The following EZH1 variants were observed in gnomAD, a reference collection of about 807,000 sequenced individuals.
The protein encoded by EZH1 is enhancer of zeste 1 polycomb repressive complex 2 subunit.
A neutral mutation model predicts 100.5 loss-of-function variants in EZH1; 33 were observed. The observed-to-expected ratio is 0.33, with a 90% confidence interval of 0.25 to 0.44. The LOEUF is 0.44. EZH1 is among the 20% of genes least tolerant of loss of function. The pLI is 1.00. For synonymous variants in EZH1, 272 were observed against 313.8 expected (o/e 0.87, Z 1.41); for missense variants, 475 against 928.4 (o/e 0.51, Z 6.35).
intron 1 of EZH1, among the ~76,000 whole-genome samples, chr17:42,734,373 G>A (rs948318870): frequency 2.6e-5 from 4 of 151,982 alleles, no homozygotes; most frequent in Admixed American, 6.6e-5. Context: ...TCCCTCTTCC[G>A]TTCCTTTTTG....
In EZH1 at chr17:42,714,667, T is replaced by G. The variant is rs148413039; in HGVS notation, c.1024-1278A>C. ...AATTTAAAAATGAAGTTTTTTTGAGTAATAAAAATGAAAAAAAAATAAAGG... is the reference window on the plus strand; with the variant it reads ...AATTTAAAAATGAAGTTTTTTTGAGGAATAAAAATGAAAAAAAAATAAAGG... On this transcript the variant is annotated intron_variant, in intron 10 of 20. Coordinates refer to ENST00000428826, the MANE Select transcript of EZH1 (RefSeq NM_001991.5). The G allele has an allele frequency of 1.2e-3, 310 of 249,750 alleles. 2 individuals carry two copies. The East Asian group carries it at 0.027, about 22-fold the overall frequency. 15.5% of individuals were successfully genotyped at this position (249,750 alleles called of 1,614,324 possible).
chr17:42,729,173 G>A (rs549722842), intron 2 of EZH1: 9 of 391,454 alleles, frequency 2.3e-5, no homozygotes, highest in South Asian at 1.4e-4. Flanking sequence ...TTAGGAAGCC[G>A]AGGTGAGAGC....
rs1305218247 is a variant in EZH1, at chr17:42,709,080, A to C, written c.1494-164T>G. 5.8e-6 allele frequency: 4 copies of C among 694,366 alleles called. No individual in the cohort carries two copies. In the East Asian group the frequency reaches 1.1e-4, roughly 19 times the overall value. The allele number at this position is 694,366 out of a possible 1,614,324, so 43.0% of individuals were successfully genotyped here. ...CTTTGGTACACAGAAGCTAGAGTCC[A>C]TCCTAAATCCAGCTGGCCTGTGCTA... On this transcript the variant is annotated intron_variant, in intron 13 of 20. Coordinates refer to ENST00000428826, the MANE Select transcript of EZH1 (RefSeq NM_001991.5).
At chr17:42,716,729 C>T (rs1305368585) in intron 10 of EZH1, among the ~76,000 whole-genome samples, 4 of 151,684 alleles carry the variant, frequency 2.6e-5, no homozygotes, top group Non-Finnish European at 5.9e-5. Context: ...GATGGAGTCT[C>T]ACTATCTCAC....
chr17:42,711,574 C>T (rs148286886), intron 12 of EZH1, among the ~76,000 whole-genome samples: 9 of 150,992 alleles, frequency 6.0e-5, no homozygotes, highest in East Asian at 1.9e-4. Flanking sequence ...ACTTGGGAGG[C>T]GGAGGTTGCA....
rs2053231555 is a variant in EZH1, at chr17:42,701,118, CATTCACATGAA to C, written c.*1403_*1413del. 1.3e-5 allele frequency: 2 copies of C among 152,774 alleles called. No homozygotes were observed. Among genetic ancestry groups the C allele is most frequent in the South Asian group, 4.1e-4 (2 of 4,832 alleles). The allele number at this position is 152,774 out of a possible 1,614,324, so 9.5% of individuals were successfully genotyped here. The stretch of plus-strand genomic sequence containing the variant: ...GACACAGGGCAGCTCTTGCTGGCCC[CATTCACATGAA>C]ATTCTTCTGTGTGAAACTCACTCGT... On this transcript the variant is annotated 3_prime_UTR_variant, in exon 21 of 21. Transcript: ENST00000428826.
chr17:42,731,224 TCTC>T (rs1312696510), intron 1 of EZH1, among the ~76,000 whole-genome samples: 2 of 151,940 alleles, frequency 1.3e-5, no homozygotes, highest in Non-Finnish European at 2.9e-5. Context: ...TTCAAGCCAT[TCTC>T]CTGCCTCAGC....
intron 14 of EZH1, chr17:42,708,299 C>T (rs2053402903): frequency 3.9e-6 from 2 of 512,306 alleles, no homozygotes; most frequent in Non-Finnish European, 6.9e-6. Flanking sequence ...TGGTCTGGGA[C>T]AACAGGGAAG....
At chr17:42,705,491 CT>C (rs1481279746) in intron 16 of EZH1, 1 of 218,308 alleles carries the variant, frequency 4.6e-6, no homozygotes, top group Non-Finnish European at 9.2e-6. Flanking sequence ...CACCTCGCAG[CT>C]CCTTTTTGTC....
At chr17:42,721,813 C>T (rs1567996102) in intron 6 of EZH1, among the ~76,000 whole-genome samples, 1 of 151,956 alleles carries the variant, frequency 6.6e-6, no homozygotes, top group Admixed American at 6.6e-5. Flanking sequence ...AGTTTAAGAC[C>T]AGCCTGGGCA....
chr17:42,731,478 GAA>G (rs67866603), intron 1 of EZH1, among the ~76,000 whole-genome samples: 1,583 of 152,174 alleles, frequency 0.01, 36 homozygotes, highest in African/African-American at 0.036. Flanking sequence ...TTATTTTAGA[GAA>G]AGTACAAACA....
At chr17:42,733,048 A>G (rs1232300732) in intron 1 of EZH1, among the ~76,000 whole-genome samples, 1 of 151,424 alleles carries the variant, frequency 6.6e-6, no homozygotes, top group African/African-American at 2.4e-5. Flanking sequence ...AAAAAAAAAA[A>G]AAGAAAAAGC....
chr17:42,729,636 A>G (rs1298985589), intron 2 of EZH1, among the ~76,000 whole-genome samples: 1 of 150,528 alleles, frequency 6.6e-6, no homozygotes, highest in African/African-American at 2.4e-5. Flanking sequence ...TTATGTGGGA[A>G]GCTGAGACAC....
chr17:42,709,278 G>A (rs538471192), intron 13 of EZH1: 9 of 248,064 alleles, frequency 3.6e-5, no homozygotes, highest in Non-Finnish European at 7.1e-5. Context: ...TTCAAGATGG[G>A]GAGGTGGGAA....
Position 42,717,994 on chromosome 17 carries a change from T to G in EZH1, c.1005A>C (p.Thr335=). ...AACATACCAGCAAAAGGAAGCAGTC[T>G]GTGCCACATGGTTCTGGTTCAATCT... The part of the protein sequence containing the change: ...EIKIEPEPCG[T]DCFLLLEGAK... Residue 335 remains threonine (T), a synonymous_variant, in exon 10 of 21, where the codon ACA becomes ACC. Transcript: ENST00000428826. 1 of 1,614,232 alleles carries G rather than the reference T, an allele frequency of 6.2e-7. No individual in the cohort carries two copies. The highest frequency in any genetic ancestry group is 1.3e-5 in the African/African-American group (1 of 75,074).
chr17:42,724,341 G>T lies in EZH1; in HGVS notation c.330C>A (p.Ile110=). Residue 110 remains isoleucine, a synonymous_variant, in exon 5 of 21, where the codon ATC becomes ATA. Coordinates refer to ENST00000428826, the MANE Select transcript of EZH1 (RefSeq NM_001991.5). ...GTTGGAGAGGGGACCAGGAATACATGATGGGAACCAATGCAACTGTGTTCA... is the reference window on the plus strand; with the variant it reads ...GTTGGAGAGGGGACCAGGAATACATTATGGGAACCAATGCAACTGTGTTCA... ...RSLNTVALVP[I]MYSWSPLQQN... 3 of 1,614,020 alleles carry T rather than the reference G, an allele frequency of 1.9e-6. No individual in the cohort carries two copies. Among genetic ancestry groups the T allele is most frequent in the Non-Finnish European group, 2.5e-6 (3 of 1,179,936 alleles).
At chr17:42,728,322 C>T (rs1422160230) in intron 3 of EZH1, among the ~76,000 whole-genome samples, 1 of 150,612 alleles carries the variant, frequency 6.6e-6, no homozygotes, top group Non-Finnish European at 1.5e-5. Context: ...CCAGGTAGGA[C>T]AGGCTGGTCT....
chr17:42,743,746 TGAGCCACC>T (rs1378171105), intron 1 of EZH1, among the ~76,000 whole-genome samples: 1 of 152,000 alleles, frequency 6.6e-6, no homozygotes, highest in Non-Finnish European at 1.5e-5. Context: ...ATTTCAGATA[TGAGCCACC>T]GAGCCCAGTC....
rs547493882 is a variant in EZH1 at position 42,702,269 on chromosome 17, C to G, written c.*263G>C. ...TAAGTCATCCACCCCAGCCTGTGCT[C>G]GCTTCTTCTGAGGCCAGAGAAACAG... is the stretch of plus-strand genomic sequence containing the variant. On this transcript the variant is annotated 3_prime_UTR_variant, in exon 21 of 21. Transcript: ENST00000428826. 4.8e-6 allele frequency: 2 copies of G among 412,466 alleles called. No homozygotes were observed. The highest frequency in any genetic ancestry group is 3.5e-5 in the East Asian group (1 of 28,934). The allele number at this position is 412,466 out of a possible 1,614,324, so 25.6% of individuals were successfully genotyped here. A position where few individuals can be genotyped will look rare whatever the true frequency, so the allele number is the denominator to read the frequency against.
Sources: allele counts gnomAD v4.1 joint callset (sites outside exome capture counted in the v4.1 genomes callset), GRCh38; gene constraint gnomAD v4.1.1; transcripts MANE v1.5; gene names NCBI Gene and HGNC (gene_info 2026-07-23, HGNC 2026-07-21).